Variants in TMEM42 observed in about 807,000 individuals in gnomAD.
TMEM42 encodes the protein transmembrane protein 42.
In TMEM42, 8 loss-of-function variants were observed where a neutral mutation model predicts 14.0. The observed-to-expected ratio is 0.57, with a 90% CI of 0.34 to 1.03. The LOEUF (loss-of-function observed/expected upper bound fraction) is 1.03. Ranked by LOEUF, TMEM42 falls within the 50% of genes least tolerant of loss-of-function variation. The pLI, the probability that TMEM42 is intolerant of heterozygous loss-of-function variation, is 0.03. For synonymous variants in TMEM42, 115 were observed against 94.3 expected, an observed-to-expected ratio of 1.22 and a Z score of -1.27; for missense variants, 211 against 219.8, an observed-to-expected ratio of 0.96 and a Z score of 0.25.
intron 1 of TMEM42, 148 bp downstream of exon 1, chr3:44,862,264 C>T (rs1181876956): frequency 4.1e-6 from 2 of 485,564 alleles, no homozygotes; most frequent in African/African-American, 2.1e-5. Context: ...CCGGTCTGTC[C>T]CGCCGGGGCC....
At position 44,864,271 on chromosome 3, in the gene TMEM42, C is replaced by T. The variant is rs761670073; in HGVS notation, c.267C>T (p.Ser89=). The change falls in exon 2 of 3, where the codon AGC becomes AGT. Residue 89 remains serine, a synonymous_variant. Coordinates refer to ENST00000302392, the MANE Select transcript of TMEM42 (RefSeq NM_144638.3). ...STNSLMWTFF[S]RGLSFSMSSA... ...ATTCTCTGATGTGGACCTTCTTTAGCCGGGGCCTCAGTTTCTCCATGTCTT... is the reference window on the plus strand; with the variant it reads ...ATTCTCTGATGTGGACCTTCTTTAGTCGGGGCCTCAGTTTCTCCATGTCTT... 6.2e-7 allele frequency: 1 copy of T among 1,614,186 alleles called. No homozygotes were observed. The highest frequency in any genetic ancestry group is 8.5e-7 in the Non-Finnish European group (1 of 1,180,034).
At position 44,865,661 on chromosome 3, in the gene TMEM42, A is replaced by G. The variant is rs545581977; in HGVS notation, c.*481A>G. 1 of 160,218 alleles carries G rather than the reference A, an allele frequency of 6.2e-6. No individual in the cohort carries two copies. Among genetic ancestry groups the G allele is most frequent in the East Asian group, 1.6e-4 (1 of 6,084 alleles). 9.9% of individuals were successfully genotyped at this position (160,218 alleles called of 1,614,324 possible). On this transcript the variant is annotated 3_prime_UTR_variant, in exon 3 of 3. Coordinates refer to ENST00000302392, the MANE Select transcript of TMEM42 (RefSeq NM_144638.3). ...TTAATAAATACGTTTTTTGTAAGTTAAAACTACCAGGTACGGTATCTTAAT... is the reference window on the plus strand; with the variant it reads ...TTAATAAATACGTTTTTTGTAAGTTGAAACTACCAGGTACGGTATCTTAAT...
intron 1 of TMEM42, 51 bp from the exon 2 acceptor site, chr3:44,864,146 G>A (rs1487956081): frequency 3.1e-6 from 5 of 1,609,712 alleles, no homozygotes; most frequent in Non-Finnish European, 2.5e-6. Context: ...GAGGGGGTCT[G>A]CAGGTTGCTG....
Position 44,865,028 on chromosome 3 carries a change from T to G in TMEM42, c.340-12T>G, listed in dbSNP as rs200958031. 6.2e-7 allele frequency: 1 copy of G among 1,613,922 alleles called. No individual in the cohort carries two copies. The highest frequency in any genetic ancestry group is 1.3e-5 in the African/African-American group (1 of 75,036). On this transcript the variant is annotated splice_polypyrimidine_tract_variant and intron_variant, in intron 2 of 2. Coordinates refer to ENST00000302392, the MANE Select transcript of TMEM42 (RefSeq NM_144638.3). ...TGAAGTTGAGTCCCTCACAGCTATC[T>G]TTGTCTCGCAGGCCTTCCTGGGCTA...
Position 44,862,083 on chromosome 3 carries a change from C to G in TMEM42, c.159C>G (p.Ala53=). ...CLCAGAFGAL[A]AASAKLAFGS... is the part of the protein sequence containing the mutation. ...GCGCCGGCGCGTTCGGGGCCCTGGCCGCCGCCTCCGCCAAGCTGGCCTTCG... is the reference window on the plus strand; with the variant it reads ...GCGCCGGCGCGTTCGGGGCCCTGGCGGCCGCCTCCGCCAAGCTGGCCTTCG... The change falls in exon 1 of 3, where the codon GCC becomes GCG. Residue 53 remains alanine (A), a synonymous_variant. Coordinates refer to ENST00000302392, the MANE Select transcript of TMEM42 (RefSeq NM_144638.3). 1.2e-5 allele frequency: 15 copies of G among 1,296,182 alleles called. No individual in the cohort carries two copies. The highest frequency in any genetic ancestry group is 1.4e-5 in the Non-Finnish European group (14 of 1,018,412). 80.3% of individuals were successfully genotyped at this position (1,296,182 alleles called of 1,614,324 possible). A position where few individuals can be genotyped will look rare whatever the true frequency, so the allele number is the denominator to read the frequency against.
At chr3:44,863,357 G>T (rs1034700073) in intron 1 of TMEM42, 7 of 130,578 alleles carry the variant, frequency 5.4e-5, no homozygotes, top group Non-Finnish European at 9.4e-5. Context: ...ACCAAGCAAG[G>T]GGGACTGCAT....
Position 44,864,335 on chromosome 3 carries a change from C to T in TMEM42, c.331C>T (p.Leu111Phe), listed in dbSNP as rs768269566. 9.9e-6 allele frequency: 16 copies of T among 1,614,138 alleles called. No homozygotes were observed. The highest frequency in any genetic ancestry group is 1.4e-5 in the Non-Finnish European group (16 of 1,180,034). The change falls in exon 2 of 3, where the codon CTC (leucine) becomes TTC (phenylalanine). Residue 111 changes from leucine to phenylalanine, a missense_variant. Coordinates refer to ENST00000302392, the MANE Select transcript of TMEM42 (RefSeq NM_144638.3). ...ASVTVTFSNI[L>F]SSAFLGYVLY... ...TGTCACAGTGACTTTTTCAAATATC[C>T]TCAGCTCGGTGAGTAGCCTGAGGGT...
Position 44,865,106 on chromosome 3 carries a change from A to G in TMEM42, c.406A>G (p.Ile136Val). 4 of 1,614,006 alleles carry G rather than the reference A, an allele frequency of 2.5e-6. No homozygotes were observed. Among genetic ancestry groups the G allele is most frequent in the Non-Finnish European group, 3.4e-6 (4 of 1,180,000 alleles). Residue 136 changes from isoleucine to valine, a missense_variant, in exon 3 of 3, where the codon ATT (isoleucine) becomes GTT (valine). Coordinates refer to ENST00000302392, the MANE Select transcript of TMEM42 (RefSeq NM_144638.3). ...EVLWWGGVFL[I>V]LCGLTLIHRK... ...CTTGTGGTGGGGAGGAGTGTTCCTTATTCTCTGCGGACTCACCCTAATCCA... is the reference window on the plus strand; with the variant it reads ...CTTGTGGTGGGGAGGAGTGTTCCTTGTTCTCTGCGGACTCACCCTAATCCA...
At chr3:44,864,612 C>G (rs867589502) in intron 2 of TMEM42, among the ~76,000 whole-genome samples, 1 of 152,162 alleles carries the variant, frequency 6.6e-6, no homozygotes, top group African/African-American at 2.4e-5. Flanking sequence ...ATTCTGAAGT[C>G]ACTGTGCATC....
At position 44,865,409 on chromosome 3, in the gene TMEM42, T is replaced by C. The variant is rs1478114692; in HGVS notation, c.*229T>C. 2.0e-5 allele frequency: 11 copies of C among 546,648 alleles called. No homozygotes were observed. The highest frequency in any genetic ancestry group is 3.2e-5 in the Non-Finnish European group (10 of 316,088). The allele number at this position is 546,648 out of a possible 1,614,324, so 33.9% of individuals were successfully genotyped here. On this transcript the variant is annotated 3_prime_UTR_variant, in exon 3 of 3. Transcript: ENST00000302392. ...TCTGTACAGTGCTTTGGATTCTTCC[T>C]CCCAGGCCTACCCCAGTGAGCCTTC...
chr3:44,863,298 G>GGGGGGGGGGCCCC, intron 1 of TMEM42: 1 of 38,782 alleles, frequency 2.6e-5, no homozygotes, highest in East Asian at 5.0e-3. Context: ...TTTAGATTCC[G>GGGGGGGGGGCCCC]CACCCCCCCC....
Position 44,865,251 on chromosome 3 carries a change from T to A in TMEM42, c.*71T>A. ...CCAGCCTTGGGATGTCATGTGGGACTGTATCCTAGGGCGATCCAGTTGTGC... is the reference window on the plus strand; with the variant it reads ...CCAGCCTTGGGATGTCATGTGGGACAGTATCCTAGGGCGATCCAGTTGTGC... On this transcript the variant is annotated 3_prime_UTR_variant, in exon 3 of 3. Coordinates refer to ENST00000302392, the MANE Select transcript of TMEM42 (RefSeq NM_144638.3). 6.2e-7 allele frequency: 1 copy of A among 1,600,982 alleles called. No individual in the cohort carries two copies. Among genetic ancestry groups the A allele is most frequent in the African/African-American group, 1.3e-5 (1 of 74,782 alleles).
chr3:44,865,339 G>A lies in TMEM42; in HGVS notation c.*159G>A. On this transcript the variant is annotated 3_prime_UTR_variant, in exon 3 of 3. Transcript: ENST00000302392. ...ATGGAGCAGGCTCTGGCTCTGTAAG[G>A]AGAGGTGCAGCTGCAGCAGTGTTCT... 1 of 909,554 alleles carries A rather than the reference G, an allele frequency of 1.1e-6. No individual in the cohort carries two copies. The highest frequency in any genetic ancestry group is 1.7e-6 in the Non-Finnish European group (1 of 598,270). The allele number at this position is 909,554 out of a possible 1,614,324, so 56.3% of individuals were successfully genotyped here.
intron 1 of TMEM42, 91 bp downstream of exon 1, chr3:44,862,207 C>T: frequency 5.1e-6 from 1 of 195,274 alleles, no homozygotes; most frequent in Non-Finnish European, 8.1e-6. Context: ...GCCCGCGGGG[C>T]TCTTGGGGTG....
In TMEM42 at chr3:44,865,347, C is replaced by G; in HGVS notation, c.*167C>G. ...GGCTCTGGCTCTGTAAGGAGAGGTG[C>G]AGCTGCAGCAGTGTTCTACCGGAAG... On this transcript the variant is annotated 3_prime_UTR_variant, in exon 3 of 3. Transcript: ENST00000302392. 1 of 819,386 alleles carries G rather than the reference C, an allele frequency of 1.2e-6. No individual in the cohort carries two copies. The highest frequency in any genetic ancestry group is 1.9e-6 in the Non-Finnish European group (1 of 522,872). The allele number at this position is 819,386 out of a possible 1,614,324, so 50.8% of individuals were successfully genotyped here.
chr3:44,865,648 T>G lies in TMEM42; in HGVS notation c.*468T>G, dbSNP rs764743672. The G allele has an allele frequency of 6.3e-6, 1 of 159,936 alleles. No homozygotes were observed. Among genetic ancestry groups the G allele is most frequent in the African/African-American group, 2.4e-5 (1 of 41,868 alleles). 9.9% of individuals were successfully genotyped at this position (159,936 alleles called of 1,614,324 possible). A position where few individuals can be genotyped will look rare whatever the true frequency, so the allele number is the denominator to read the frequency against. On this transcript the variant is annotated 3_prime_UTR_variant, in exon 3 of 3. Coordinates refer to ENST00000302392, the MANE Select transcript of TMEM42 (RefSeq NM_144638.3). ...GAGGAAAACTGGATTAATAAATACG[T>G]TTTTTGTAAGTTAAAACTACCAGGT...
rs746910662 is a variant in TMEM42 at position 44,865,218 on chromosome 3, A to G, written c.*38A>G. On this transcript the variant is annotated 3_prime_UTR_variant, in exon 3 of 3. Transcript: ENST00000302392. ...AGACGGACCAGCTGGAAAGATCATG[A>G]TGGTGGCCCAGCCTTGGGATGTCAT... is the stretch of plus-strand genomic sequence containing the variant. 6.2e-7 allele frequency: 1 copy of G among 1,612,870 alleles called. No individual in the cohort carries two copies. Among genetic ancestry groups the G allele is most frequent in the South Asian group, 1.1e-5 (1 of 91,054 alleles).
At chr3:44,864,876 A>G (rs921677594) in intron 2 of TMEM42, among the ~76,000 whole-genome samples, 164 bp from the exon 3 acceptor site, 3 of 151,982 alleles carry the variant, frequency 2.0e-5, no homozygotes, top group Admixed American at 6.6e-5. Flanking sequence ...TGCAGGGGAG[A>G]TTGAATAGAG....
In TMEM42 at chr3:44,864,197, G is replaced by T. The variant is rs1352670857; in HGVS notation, c.193G>T (p.Val65Leu). ...ASAKLAFGSE[V>L]SMGLCVLGII... The stretch of plus-strand genomic sequence containing the variant: ...GCTGCAGTGACACTTTCTCCTGCAG[G>T]TGAGCATGGGTTTATGCGTCTTAGG... The change falls in exon 2 of 3, where the codon GTG becomes TTG. Residue 65 changes from valine (V) to leucine (L), a missense_variant and splice_region_variant. By Grantham distance (32) the Val-to-Leu change is conservative. Coordinates refer to ENST00000302392, the MANE Select transcript of TMEM42 (RefSeq NM_144638.3). 2 of 1,613,890 alleles carry T rather than the reference G, an allele frequency of 1.2e-6. No homozygotes were observed. Among genetic ancestry groups the T allele is most frequent in the Admixed American group, 3.3e-5 (2 of 60,020 alleles).
Sources: gnomAD v4.1 joint callset for allele counts (sites outside exome capture counted in the v4.1 genomes callset) on GRCh38, gnomAD v4.1.1 for gene constraint, MANE v1.5 for transcripts, NCBI Gene and HGNC (gene_info 2026-07-23, HGNC 2026-07-21) for gene names.